Variants in ANXA5 observed in about 807,000 individuals in gnomAD.
The protein encoded by ANXA5 is CBP-I.
Under a neutral mutation model 48.1 loss-of-function variants are expected in ANXA5, and 40 were observed. That is an observed-to-expected ratio of 0.83 (90% CI 0.65 to 1.08). The LOEUF (loss-of-function observed/expected upper bound fraction) is 1.08. Among genes scored for constraint, ANXA5 ranks in the 50% least tolerant of loss-of-function variants. The pLI, the probability that ANXA5 is intolerant of heterozygous loss-of-function variation, is 0.00. For synonymous variants in ANXA5, 113 were observed against 129.1 expected (o/e 0.88, Z 0.85); for missense variants, 357 against 376.8 (o/e 0.95, Z 0.44).
In ANXA5 at chr4:121,684,659, G is replaced by A. The variant is rs750610018; in HGVS notation, c.189+18C>T. On this transcript the variant is annotated intron_variant, in intron 4 of 12. Transcript: ENST00000296511. The stretch of plus-strand genomic sequence containing the variant: ...TAGCTGTTCTCCCATTCTCTCTTGG[G>A]ATGAAGTGTGGTCTTACCCTGCCAA... 2 of 1,604,482 alleles carry A rather than the reference G, an allele frequency of 1.2e-6. No individual in the cohort carries two copies. The highest frequency in any genetic ancestry group is 2.2e-5 in the East Asian group (1 of 44,778).
At chr4:121,676,770 G>A (rs376506866) in intron 8 of ANXA5, among the ~76,000 whole-genome samples, 34 of 152,160 alleles carry the variant, frequency 2.2e-4, no homozygotes, top group East Asian at 7.7e-4. Flanking sequence ...CAGGTGAAGC[G>A]GGGTGGGAGG....
chr4:121,694,765 T>C (rs1442704171), intron 2 of ANXA5, among the ~76,000 whole-genome samples: 2 of 152,216 alleles, frequency 1.3e-5, no homozygotes, highest in African/African-American at 4.8e-5. Flanking sequence ...TAACACTCTG[T>C]ATCTTTTTTA....
At position 121,669,995 on chromosome 4, in the gene ANXA5, T is replaced by C; in HGVS notation, c.739A>G (p.Ile247Val). The C allele has an allele frequency of 1.2e-6, 2 of 1,604,436 alleles. No homozygotes were observed. Among genetic ancestry groups the C allele is most frequent in the East Asian group, 4.5e-5 (2 of 44,748 alleles). The change falls in exon 11 of 13, where the codon ATA (isoleucine) becomes GTA (valine). Residue 247 changes from isoleucine (I) to valine (V), a missense_variant. Coordinates refer to ENST00000296511, the MANE Select transcript of ANXA5 (RefSeq NM_001154.4). ...AGGGTCTCTGCAAGGTAGGCAGGTA[T>C]ACTTCGAATAGATTTCACTAAGAAA... ...LLAVVKSIRS[I>V]PAYLAETLYY...
intron 5 of ANXA5, among the ~76,000 whole-genome samples, chr4:121,682,986 C>T (rs1007663821): frequency 6.6e-6 from 1 of 152,068 alleles, no homozygotes. Context: ...TACCTTTTAA[C>T]CTAAAATGAT....
intron 5 of ANXA5, among the ~76,000 whole-genome samples, chr4:121,682,359 T>C (rs932661218): frequency 1.1e-4 from 16 of 152,144 alleles, no homozygotes; most frequent in African/African-American, 1.7e-4. Context: ...CTTTCCTTTT[T>C]CTGCTTTTAA....
intron 2 of ANXA5, 78 bp downstream of exon 2, chr4:121,696,503 G>A (rs1725084699): frequency 3.9e-6 from 5 of 1,284,848 alleles, no homozygotes; most frequent in Non-Finnish European, 5.0e-6. Context: ...TTGGCTCTCA[G>A]ACAAATCCTA....
chr4:121,669,317 T>C (rs1472659343), intron 12 of ANXA5: 5 of 292,922 alleles, frequency 1.7e-5, no homozygotes, highest in East Asian at 6.6e-5. Flanking sequence ...AACACATTAT[T>C]ATCATAGGCA....
In ANXA5 at chr4:121,668,242, A is replaced by C; in HGVS notation, c.*226T>G. ...TGGAAAATGGCCAGGCATTAAACTTAGTAACATTAAGTACACTTTAGTACT... is the reference window on the plus strand; with the variant it reads ...TGGAAAATGGCCAGGCATTAAACTTCGTAACATTAAGTACACTTTAGTACT... On this transcript the variant is annotated 3_prime_UTR_variant, in exon 13 of 13. Transcript: ENST00000296511. 2.6e-6 allele frequency: 1 copy of C among 388,692 alleles called. No homozygotes were observed. The highest frequency in any genetic ancestry group is 4.3e-5 in the Admixed American group (1 of 23,516). The allele number at this position is 388,692 out of a possible 1,614,324, so 24.1% of individuals were successfully genotyped here.
intron 9 of ANXA5, among the ~76,000 whole-genome samples, chr4:121,672,329 G>A (rs1724626441): frequency 6.6e-6 from 1 of 152,188 alleles, no homozygotes; most frequent in African/African-American, 2.4e-5. Context: ...CAATAGTGAA[G>A]GGTGGACTCA....
intron 2 of ANXA5, among the ~76,000 whole-genome samples, chr4:121,695,879 G>A (rs1725070967): frequency 6.6e-6 from 1 of 151,290 alleles, no homozygotes; most frequent in Non-Finnish European, 1.5e-5. Context: ...TCCAGCCTGG[G>A]CGACAGAGTG....
chr4:121,692,079 A>G (rs567818885), intron 2 of ANXA5, among the ~76,000 whole-genome samples: 23 of 152,268 alleles, frequency 1.5e-4, no homozygotes, highest in African/African-American at 5.5e-4. Context: ...CCTATTGCTT[A>G]CTTTTGTGTA....
chr4:121,678,027 T>C, intron 7 of ANXA5, 77 bp from the exon 8 acceptor site: 1 of 1,072,554 alleles, frequency 9.3e-7, no homozygotes, highest in South Asian at 1.3e-5. Context: ...CACCTGATGG[T>C]TATTCAATAA....
intron 10 of ANXA5, among the ~76,000 whole-genome samples, chr4:121,670,833 T>C (rs530884930): frequency 2.0e-5 from 3 of 152,194 alleles, no homozygotes; most frequent in African/African-American, 4.8e-5. Flanking sequence ...ACTTTTAGAG[T>C]TGGTTCATGC....
chr4:121,695,924 A>C (rs902491733), intron 2 of ANXA5, among the ~76,000 whole-genome samples: 9 of 151,960 alleles, frequency 5.9e-5, no homozygotes, highest in African/African-American at 1.9e-4. Context: ...AAAAAAAAAA[A>C]CAGTAAAGAA....
chr4:121,677,933 A>G lies in ANXA5; in HGVS notation c.492T>C (p.Asp164=). The change falls in exon 8 of 13, where the codon GAT becomes GAC. Residue 164 remains aspartate, a synonymous_variant. Coordinates refer to ENST00000296511, the MANE Select transcript of ANXA5 (RefSeq NM_001154.4). ...CAACTTGAGCTTCATCAATTCCAGC[A>G]TCAGGGTCTCTGTTAGCCTATGAGA... The part of the protein sequence containing the change: ...VVLLQANRDP[D]AGIDEAQVEQ... The G allele has an allele frequency of 1.2e-6, 2 of 1,613,866 alleles. No homozygotes were observed. The highest frequency in any genetic ancestry group is 1.7e-6 in the Non-Finnish European group (2 of 1,179,798).
At chr4:121,677,079 C>T (rs1047339378) in intron 8 of ANXA5, among the ~76,000 whole-genome samples, 3 of 152,132 alleles carry the variant, frequency 2.0e-5, no homozygotes, top group African/African-American at 7.2e-5. Context: ...AAAGAATAAC[C>T]GCTCTCCTCT....
intron 2 of ANXA5, among the ~76,000 whole-genome samples, chr4:121,691,577 G>A (rs529856901): frequency 6.6e-6 from 1 of 152,004 alleles, no homozygotes; most frequent in East Asian, 1.9e-4. Context: ...ATATTAACTA[G>A]GAGCTGGAAA....
At chr4:121,695,125 T>G (rs1220622241) in intron 2 of ANXA5, among the ~76,000 whole-genome samples, 1 of 152,252 alleles carries the variant, frequency 6.6e-6, no homozygotes, top group African/African-American at 2.4e-5. Flanking sequence ...TAAATCTTCA[T>G]GTACATCACC....
chr4:121,671,686 C>G lies in ANXA5; in HGVS notation c.626-44G>C. The G allele has an allele frequency of 3.0e-6, 4 of 1,318,534 alleles. No individual in the cohort carries two copies. The Middle Eastern group carries it at 5.5e-4, about 182-fold the overall frequency. The allele number at this position is 1,318,534 out of a possible 1,614,324, so 81.7% of individuals were successfully genotyped here. A position where few individuals can be genotyped will look rare whatever the true frequency, so the allele number is the denominator to read the frequency against. Reference sequence around the variant, plus strand: ...ATTCCCTAATCATGTAGGGATCACTCTTTCCAGAAAGATGGTATTTACTTT... The same window carrying G: ...ATTCCCTAATCATGTAGGGATCACTGTTTCCAGAAAGATGGTATTTACTTT... On this transcript the variant is annotated intron_variant, in intron 9 of 12. Coordinates refer to ENST00000296511, the MANE Select transcript of ANXA5 (RefSeq NM_001154.4).
Sources: allele counts gnomAD v4.1 joint callset (sites outside exome capture counted in the v4.1 genomes callset), GRCh38; gene constraint gnomAD v4.1.1; transcripts MANE v1.5; gene names NCBI Gene and HGNC (gene_info 2026-07-23, HGNC 2026-07-21).